The following UBE3A variants were observed in gnomAD, a reference collection of about 807,000 sequenced individuals.
UBE3A encodes ubiquitin-protein ligase E3A.
A neutral mutation model predicts 83.4 loss-of-function variants in UBE3A; 6 were observed. The ratio of observed to expected loss-of-function variants is 0.07; its 90% confidence interval spans 0.04 to 0.14. The LOEUF is 0.14. UBE3A is among the 10% of genes least tolerant of loss of function. The pLI is 1.00. For synonymous variants in UBE3A, 337 were observed against 355.4 expected, an observed-to-expected ratio of 0.95 and a Z score of 0.58; for missense variants, 456 against 1,036.1, an observed-to-expected ratio of 0.44 and a Z score of 7.69.
intron 12 of UBE3A, 125 bp downstream of exon 12, chr15:25,339,960 A>G (rs2074456220): frequency 7.7e-7 from 1 of 1,293,662 alleles, no homozygotes; most frequent in Non-Finnish European, 1.1e-6. Context: ...ATTGTCTAAT[A>G]TGATTTGGGG....
At chr15:25,354,253 T>C (rs2076921595) in intron 11 of UBE3A, 100 bp downstream of exon 11, 1 of 1,012,910 alleles carries the variant, frequency 9.9e-7, no homozygotes, top group Non-Finnish European at 1.6e-6. Context: ...ATTTGTGAGT[T>C]TGCTTATTTG....
At position 25,404,280 on chromosome 15, in the gene UBE3A, A is replaced by G. The variant is rs112611099; in HGVS notation, c.62+1181T>C. Among the ~76,000 whole-genome samples, 310 of 152,280 alleles carry G rather than the reference A, an allele frequency of 2.0e-3. 3 individuals carry two copies. Among genetic ancestry groups the G allele is most frequent in the African/African-American group, 7.1e-3 (297 of 41,566 alleles). The stretch of plus-strand genomic sequence containing the variant: ...CCACCCTCACCCACAATTACAATTA[A>G]TATCACACATCCATCTTTACTTCCT... On this transcript the variant is annotated intron_variant, in intron 4 of 12. Coordinates refer to ENST00000648336, the MANE Select transcript of UBE3A (RefSeq NM_130839.5).
chr15:25,409,002 CAACTAT>C, intron 3 of UBE3A, 80 bp downstream of exon 3: 1 of 1,387,810 alleles, frequency 7.2e-7, no homozygotes, highest in Admixed American at 2.0e-5. Flanking sequence ...GTATTCCTGC[CAACTAT>C]ACATTGTCTT....
intron 1 of UBE3A, among the ~76,000 whole-genome samples, chr15:25,420,220 GTAGACTT>G (rs1310240714): frequency 6.6e-6 from 1 of 152,092 alleles, no homozygotes; most frequent in East Asian, 1.9e-4. Context: ...TAATATCAAA[GTAGACTT>G]TAGATAAGGA....
At chr15:25,378,230 C>T (rs2081554862) in intron 4 of UBE3A, among the ~76,000 whole-genome samples, 1 of 152,086 alleles carries the variant, frequency 6.6e-6, no homozygotes, top group Non-Finnish European at 1.5e-5. Flanking sequence ...CAAAACTTGT[C>T]AGATACATAG....
chr15:25,380,736 T>G (rs1354436671), intron 4 of UBE3A, among the ~76,000 whole-genome samples: 1 of 152,196 alleles, frequency 6.6e-6, no homozygotes, highest in Non-Finnish European at 1.5e-5. Flanking sequence ...TTCTTCACAT[T>G]CCATTGACTT....
chr15:25,342,470 A>G (rs540545193), intron 11 of UBE3A, among the ~76,000 whole-genome samples: 101 of 152,322 alleles, frequency 6.6e-4, no homozygotes, highest in Non-Finnish European at 1.3e-3. Context: ...CTCTATTCCT[A>G]TAAGTGTTAT....
chr15:25,347,477 A>G (rs577192268), intron 11 of UBE3A, among the ~76,000 whole-genome samples: 38 of 152,252 alleles, frequency 2.5e-4, no homozygotes, highest in Admixed American at 5.2e-4. Flanking sequence ...TGAGGTGGAC[A>G]GATCACAAGG....
At chr15:25,384,854 G>A (rs73366230) in intron 4 of UBE3A, among the ~76,000 whole-genome samples, 1,960 of 152,184 alleles carry the variant, frequency 0.013, 41 homozygotes, top group African/African-American at 0.045. Context: ...CACAGAAATA[G>A]GGAAAAGAGG....
chr15:25,398,767 TTATTTATATA>T lies in UBE3A; in HGVS notation c.62+6684_62+6693del, dbSNP rs1321020930. Among the ~76,000 whole-genome samples the T allele has an allele frequency of 6.5e-3, 435 of 67,134 alleles. 4 individuals carry two copies. The highest frequency in any genetic ancestry group is 0.019 in the African/African-American group (383 of 19,852). 44.0% of individuals were successfully genotyped at this position (67,134 alleles called of 152,430 possible). ...TCTTCAGCGCACTGATTTTATTCTT[TTATTTATATA>T]TATATATATATATATATATATATAT... On this transcript the variant is annotated intron_variant, in intron 4 of 12. Transcript: ENST00000648336.
rs373439312 is a variant in UBE3A, at chr15:25,420,114, AAAAG to A, written c.-164-8147_-164-8144del. Among the ~76,000 whole-genome samples the A allele has an allele frequency of 6.0e-3, 907 of 152,290 alleles. 7 individuals are homozygous for A. The highest frequency in any genetic ancestry group is 0.021 in the African/African-American group (865 of 41,576). ...AGCAAGATGCAACTATATGCTATCT[AAAAG>A]AAAGACATTAAATGACCAATAAGCT... On this transcript the variant is annotated intron_variant, in intron 1 of 12. Coordinates refer to ENST00000648336, the MANE Select transcript of UBE3A (RefSeq NM_130839.5).
intron 6 of UBE3A, among the ~76,000 whole-genome samples, chr15:25,367,254 T>TTTGTAAATATGTAAATATTTGCATA (rs2079416419): frequency 7.4e-5 from 6 of 81,104 alleles, no homozygotes; most frequent in Non-Finnish European, 1.4e-4. Flanking sequence ...TATTTGCATA[T>TTTGTAAATATGTAAATATTTGCATA]TTGTAAATAT....
At chr15:25,373,058 T>C (rs1036153327) in intron 5 of UBE3A, among the ~76,000 whole-genome samples, 1 of 152,214 alleles carries the variant, frequency 6.6e-6, no homozygotes, top group African/African-American at 2.4e-5. Flanking sequence ...TTATGGGCCT[T>C]AACTCTTTAA....
intron 6 of UBE3A, among the ~76,000 whole-genome samples, chr15:25,361,852 A>G (rs1019188501): frequency 6.6e-6 from 1 of 152,056 alleles, no homozygotes; most frequent in African/African-American, 2.4e-5. Flanking sequence ...GAAAAATGCA[A>G]TAATCACTGA....
At chr15:25,415,981 C>T (rs544206629) in intron 1 of UBE3A, 76 of 151,544 alleles carry the variant, frequency 5.0e-4, no homozygotes, top group African/African-American at 1.8e-3. Flanking sequence ...ATTTAAGAAA[C>T]GTTTTTTCAA....
At chr15:25,436,987 TAA>T (rs1567219110) in intron 1 of UBE3A, among the ~76,000 whole-genome samples, 1 of 152,222 alleles carries the variant, frequency 6.6e-6, no homozygotes, top group Non-Finnish European at 1.5e-5. Flanking sequence ...GTAAAGATTA[TAA>T]GTTACCTCTT....
chr15:25,378,160 A>G (rs374040005), intron 4 of UBE3A, among the ~76,000 whole-genome samples: 2 of 152,194 alleles, frequency 1.3e-5, no homozygotes, highest in East Asian at 3.8e-4. Context: ...AAAAATTACA[A>G]AAGTCAAAAT....
chr15:25,395,026 G>T (rs907013444), intron 4 of UBE3A, among the ~76,000 whole-genome samples: 38 of 152,118 alleles, frequency 2.5e-4, no homozygotes, highest in Middle Eastern at 3.2e-3. Context: ...TGATGCAGCC[G>T]GTCAGGAAAA....
chr15:25,425,977 G>A (rs951691696), intron 1 of UBE3A, among the ~76,000 whole-genome samples: 1 of 152,180 alleles, frequency 6.6e-6, no homozygotes, highest in African/African-American at 2.4e-5. Flanking sequence ...GAAGAGTACT[G>A]TAATCTCCTT....
Sources: allele counts gnomAD v4.1 joint callset (sites outside exome capture counted in the v4.1 genomes callset), GRCh38; gene constraint gnomAD v4.1.1; transcripts MANE v1.5; gene names NCBI Gene and HGNC (gene_info 2026-07-23, HGNC 2026-07-21).